ATXN1: variants seen among roughly 807,000 people sequenced by gnomAD.
ATXN1 encodes the protein ataxin 1.
In ATXN1, 8 loss-of-function variants were observed where a neutral mutation model predicts 56.4. The observed-to-expected ratio is 0.14, with a 90% CI of 0.08 to 0.26. The LOEUF (loss-of-function observed/expected upper bound fraction) is 0.26, where lower values mean the gene tolerates loss of function less well. Ranked by LOEUF, ATXN1 falls within the 10% of genes least tolerant of loss-of-function variation. The pLI, the probability that ATXN1 is intolerant of heterozygous loss-of-function variation, is 1.00. For synonymous variants in ATXN1, 514 were observed against 494.6 expected (o/e 1.04, Z -0.52); for missense variants, 987 against 1,106.5 (o/e 0.89, Z 1.53).
At chr6:16,552,917 C>G (rs1203464087) in intron 4 of ATXN1, among the ~76,000 whole-genome samples, 2 of 152,348 alleles carry the variant, frequency 1.3e-5, no homozygotes, top group East Asian at 3.9e-4. Context: ...GGCTGCTCCA[C>G]GTATTTCCGA....
chr6:16,657,654 G>A (rs1758233532), intron 3 of ATXN1, 122 bp downstream of exon 3: 1 of 152,170 alleles, frequency 6.6e-6, no homozygotes, highest in Non-Finnish European at 1.5e-5. Flanking sequence ...TTTTTCAAAT[G>A]TCCTGTTATT....
At chr6:16,375,789 G>C (rs1404854622) in intron 6 of ATXN1, among the ~76,000 whole-genome samples, 1 of 152,130 alleles carries the variant, frequency 6.6e-6, no homozygotes, top group Non-Finnish European at 1.5e-5. Context: ...CAAGCTATTT[G>C]CTTTGGAAAA....
chr6:16,374,677 T>C (rs1762109507), intron 6 of ATXN1, among the ~76,000 whole-genome samples: 1 of 152,204 alleles, frequency 6.6e-6, no homozygotes. Context: ...GGATGGCAAG[T>C]GTGCCCCCTT....
At chr6:16,449,109 C>CTCA (rs1008650378) in intron 6 of ATXN1, among the ~76,000 whole-genome samples, 4 of 151,940 alleles carry the variant, frequency 2.6e-5, no homozygotes, top group African/African-American at 9.7e-5. Context: ...CATCCTGTTT[C>CTCA]TCAGGTAGAA....
At chr6:16,554,362 A>G (rs1201611185) in intron 4 of ATXN1, among the ~76,000 whole-genome samples, 2 of 152,232 alleles carry the variant, frequency 1.3e-5, no homozygotes, top group African/African-American at 2.4e-5. Context: ...CCTGGGCCAG[A>G]GCTCATTTCC....
At position 16,545,208 on chromosome 6, in the gene ATXN1, C is replaced by T. The variant is rs149771799; in HGVS notation, c.-360-22520G>A. Among the ~76,000 whole-genome samples the T allele has an allele frequency of 1.6e-3, 237 of 152,166 alleles. 1 individual carries two copies. The highest frequency in any genetic ancestry group is 5.4e-3 in the African/African-American group (224 of 41,502). ...AGGCAGCTTTAACTTTCTTATTACC[C>T]CCCAAAATGTCCTCTTTGGTCTTAC... On this transcript the variant is annotated intron_variant, in intron 4 of 7. Coordinates refer to ENST00000436367, the MANE Select transcript of ATXN1 (RefSeq NM_001128164.2).
chr6:16,363,477 A>G (rs901831284), intron 6 of ATXN1, among the ~76,000 whole-genome samples: 6 of 152,252 alleles, frequency 3.9e-5, no homozygotes, highest in African/African-American at 1.4e-4. Flanking sequence ...CTAAGAGTAA[A>G]TAAAGTGTGA....
intron 2 of ATXN1, among the ~76,000 whole-genome samples, chr6:16,687,461 T>C (rs1758940972): frequency 6.6e-6 from 1 of 151,994 alleles, no homozygotes; most frequent in African/African-American, 2.4e-5. Flanking sequence ...TTTTGGGGGC[T>C]AGTCTGACAT....
chr6:16,346,915 G>C (rs753313040), intron 6 of ATXN1, among the ~76,000 whole-genome samples: 3 of 152,236 alleles, frequency 2.0e-5, no homozygotes, highest in African/African-American at 7.2e-5. Context: ...GGCTGCGCGC[G>C]TTGCTTGTGG....
chr6:16,740,638 G>A (rs1334488605), intron 2 of ATXN1, among the ~76,000 whole-genome samples: 1 of 152,170 alleles, frequency 6.6e-6, no homozygotes, highest in African/African-American at 2.4e-5. Flanking sequence ...ATCATTCTCT[G>A]TTTATCCATC....
rs963238012 is a variant in ATXN1 at position 16,303,877 on chromosome 6, G to C, written c.*2452C>G. On this transcript the variant is annotated 3_prime_UTR_variant, in exon 8 of 8. Coordinates refer to ENST00000436367, the MANE Select transcript of ATXN1 (RefSeq NM_001128164.2). This position sits in a 1 kb window ranked among gnomAD's most constrained non-coding sequence, Gnocchi z 4.3. ...AAAAGAAAAACAAAACCTAATAATT[G>C]CAAGTGCCCTGAGCAGAATATATGG... is the stretch of plus-strand genomic sequence containing the variant. 6 of 152,724 alleles carry C rather than the reference G, an allele frequency of 3.9e-5. No homozygotes were observed. Among genetic ancestry groups the C allele is most frequent in the South Asian group, 4.2e-4 (2 of 4,818 alleles). 9.5% of individuals were successfully genotyped at this position (152,724 alleles called of 1,614,324 possible).
chr6:16,368,343 C>A, intron 6 of ATXN1, among the ~76,000 whole-genome samples: 1 of 75,916 alleles, frequency 1.3e-5, no homozygotes, highest in South Asian at 6.3e-4. Context: ...ACTTCTTCTT[C>A]TTTTTTTTTT....
At chr6:16,701,395 A>G (rs1759280447) in intron 2 of ATXN1, among the ~76,000 whole-genome samples, 2 of 152,300 alleles carry the variant, frequency 1.3e-5, no homozygotes, top group South Asian at 4.1e-4. Context: ...GGGGAGAAGG[A>G]GTAGGCTGTC....
chr6:16,577,367 T>C (rs549306671), intron 4 of ATXN1, among the ~76,000 whole-genome samples: 1 of 151,530 alleles, frequency 6.6e-6, no homozygotes, highest in Non-Finnish European at 1.5e-5. Flanking sequence ...CTACTAAAAA[T>C]ACAAAAATTA....
chr6:16,544,883 G>A (rs1357274264), intron 4 of ATXN1, among the ~76,000 whole-genome samples: 2 of 152,122 alleles, frequency 1.3e-5, no homozygotes, highest in East Asian at 3.8e-4. Flanking sequence ...GAGGTGGTGT[G>A]GAAGGAGGCG....
At chr6:16,342,682 T>TC (rs1761279998) in intron 6 of ATXN1, among the ~76,000 whole-genome samples, 1 of 152,164 alleles carries the variant, frequency 6.6e-6, no homozygotes, top group Admixed American at 6.6e-5. Flanking sequence ...CTATTATTCA[T>TC]CCCCCTCTCC....
At chr6:16,377,658 C>G (rs2188369) in intron 6 of ATXN1, among the ~76,000 whole-genome samples, 77,695 of 151,912 alleles carry the variant, frequency 0.51, 21,195 homozygotes, top group East Asian at 0.99. Flanking sequence ...ACAAGACTAT[C>G]TCTGTACGCC....
chr6:16,443,344 C>G (rs566794911), intron 6 of ATXN1, among the ~76,000 whole-genome samples: 2 of 151,804 alleles, frequency 1.3e-5, no homozygotes, highest in Non-Finnish European at 2.9e-5. Context: ...AACGACTTCA[C>G]CTTGTTTTGT....
In ATXN1 at chr6:16,605,388, G is replaced by C. The variant is rs144613186; in HGVS notation, c.-488-19481C>G. Among the ~76,000 whole-genome samples the C allele has an allele frequency of 3.3e-5, 5 of 152,210 alleles. No individual in the cohort carries two copies. In the East Asian group the frequency reaches 9.7e-4, roughly 29 times the overall value. On this transcript the variant is annotated intron_variant, in intron 3 of 7. Transcript: ENST00000436367. Reference sequence around the variant, plus strand: ...GGGTATGACTTTCCCAAGGCCACAAGAGGACTAGTTTACAGCAGAGCTGGG... The same window carrying C: ...GGGTATGACTTTCCCAAGGCCACAACAGGACTAGTTTACAGCAGAGCTGGG...
Sources: gnomAD v4.1 joint callset for allele counts (sites outside exome capture counted in the v4.1 genomes callset) on GRCh38, gnomAD v4.1.1 for gene constraint, Gnocchi (gnomAD v3.1) non-coding constraint, MANE v1.5 for transcripts, NCBI Gene and HGNC (gene_info 2026-07-23, HGNC 2026-07-21) for gene names.